Variants in NEIL3 observed in about 807,000 individuals in gnomAD.
The protein encoded by NEIL3 is endonuclease 8-like 3.
In NEIL3, 48 loss-of-function variants were observed where a neutral mutation model predicts 57.5. That is an observed-to-expected ratio of 0.83 (90% confidence interval 0.66 to 1.06). The LOEUF is 1.06. NEIL3 is among the 50% of genes least tolerant of loss of function. The pLI, the probability that NEIL3 is intolerant of heterozygous loss-of-function variation, is 0.00. For synonymous variants in NEIL3, 261 were observed against 253.2 expected (o/e 1.03, Z -0.29); for missense variants, 717 against 739.1 (o/e 0.97, Z 0.35).
chr4:177,367,216 TTC>T, downstream of NEIL3, among the ~76,000 whole-genome samples: 1 of 149,860 alleles, frequency 6.7e-6, no homozygotes, highest in South Asian at 2.2e-4. Context: ...GGTGATTTTT[TTC>T]TCATCATACC....
At chr4:177,354,761 C>T (rs1381532085) in intron 8 of NEIL3, among the ~76,000 whole-genome samples, 2 of 152,126 alleles carry the variant, frequency 1.3e-5, no homozygotes, top group Non-Finnish European at 2.9e-5. Flanking sequence ...GGATTACAGG[C>T]GTGAGCCACT....
At chr4:177,355,626 C>A (rs1438590908) in intron 8 of NEIL3, among the ~76,000 whole-genome samples, 1 of 152,126 alleles carries the variant, frequency 6.6e-6, no homozygotes, top group Non-Finnish European at 1.5e-5. Flanking sequence ...AGGTGGAATT[C>A]TGAGATTCAC....
downstream of NEIL3, among the ~76,000 whole-genome samples, chr4:177,363,425 G>A (rs868803988): frequency 9.8e-5 from 15 of 152,300 alleles, no homozygotes; most frequent in African/African-American, 3.6e-4. Context: ...ACTCTACACT[G>A]AAAAGACAGG....
At chr4:177,370,834 G>A in the NEIL3 span, among the ~76,000 whole-genome samples, 148 of 152,208 alleles carry the variant, frequency 9.7e-4, 1 homozygote, top group African/African-American at 3.2e-3. Flanking sequence ...CAGGGAGGTC[G>A]AGGCTGCAGT....
At chr4:177,363,958 C>T (rs1735657392), downstream of NEIL3, among the ~76,000 whole-genome samples, 1 of 152,156 alleles carries the variant, frequency 6.6e-6, no homozygotes, top group African/African-American at 2.4e-5. Context: ...CCATACCGCC[C>T]AGGCTGGTTT....
intron 8 of NEIL3, among the ~76,000 whole-genome samples, chr4:177,357,912 A>AT (rs1735511974): frequency 6.6e-6 from 1 of 152,232 alleles, no homozygotes; most frequent in South Asian, 2.1e-4. Flanking sequence ...ACAATTCTGT[A>AT]TGCTACATTT....
chr4:177,328,271 C>T (rs1370127789), intron 2 of NEIL3, among the ~76,000 whole-genome samples: 1 of 152,096 alleles, frequency 6.6e-6, no homozygotes, highest in African/African-American at 2.4e-5. Context: ...AACTGTCATC[C>T]TAGAAGAAAG....
At position 177,318,844 on chromosome 4, in the gene NEIL3, C is replaced by T. The variant is rs34187341; in HGVS notation, c.157-3615C>T. Among the ~76,000 whole-genome samples, 126 of 152,242 alleles carry T rather than the reference C, an allele frequency of 8.3e-4. 1 individual carries two copies. Among genetic ancestry groups the T allele is most frequent in the African/African-American group, 2.7e-3 (111 of 41,534 alleles). On this transcript the variant is annotated intron_variant, in intron 1 of 9. Coordinates refer to ENST00000264596, the MANE Select transcript of NEIL3 (RefSeq NM_018248.3). ...TTTCCTTACTAGAACATAAACTCCA[C>T]GAGGGCAGCTGGTTTTAGTTGTTTT...
chr4:177,342,802 A>G (rs928405471), intron 6 of NEIL3, among the ~76,000 whole-genome samples: 1 of 152,262 alleles, frequency 6.6e-6, no homozygotes, highest in African/African-American at 2.4e-5. Context: ...TGGAGGGATG[A>G]TGAGAATACT....
chr4:177,342,836 C>T (rs757062002), intron 6 of NEIL3, among the ~76,000 whole-genome samples: 3 of 152,168 alleles, frequency 2.0e-5, no homozygotes, highest in Non-Finnish European at 4.4e-5. Context: ...AGAGGCTCCA[C>T]GTTGTGGAAT....
Position 177,351,372 on chromosome 4 carries a change from T to C in NEIL3, c.870-8T>C. ...TAACAATGATTAATTTTAAAAATTA[T>C]CTTATAGCAAGCTACCGACTAGAAA... On this transcript the variant is annotated splice_region_variant and splice_polypyrimidine_tract_variant and intron_variant, in intron 6 of 9. Coordinates refer to ENST00000264596, the MANE Select transcript of NEIL3 (RefSeq NM_018248.3). The C allele has an allele frequency of 6.3e-7, 1 of 1,593,134 alleles. No homozygotes were observed. The highest frequency in any genetic ancestry group is 8.6e-7 in the Non-Finnish European group (1 of 1,167,562).
At chr4:177,322,395 A>G in intron 1 of NEIL3, 64 bp from the exon 2 acceptor site, 1 of 1,601,426 alleles carries the variant, frequency 6.2e-7, no homozygotes, top group African/African-American at 1.3e-5. Context: ...TAAGAATTAA[A>G]TAATGCTTTT....
intron 2 of NEIL3, among the ~76,000 whole-genome samples, chr4:177,327,660 G>C (rs7683099): frequency 0.026 from 3,994 of 152,174 alleles, 114 homozygotes; most frequent in African/African-American, 0.067. Context: ...GCATGATGTT[G>C]AGTAGTAGTG....
In NEIL3 at chr4:177,310,054, G is replaced by T; in HGVS notation, c.101G>T (p.Ser34Ile). 1 of 1,608,116 alleles carries T rather than the reference G, an allele frequency of 6.2e-7. No individual in the cohort carries two copies. The highest frequency in any genetic ancestry group is 8.5e-7 in the Non-Finnish European group (1 of 1,178,032). The change falls in exon 1 of 10, where the codon AGT becomes ATT. Residue 34 changes from serine to isoleucine, a missense_variant. Coordinates refer to ENST00000264596, the MANE Select transcript of NEIL3 (RefSeq NM_018248.3). The part of the protein sequence containing the change: ...VTGVRGSALR[S>I]LQGRALRLAA... ...GGCGTGCGGGGAAGCGCTCTGCGGA[G>T]TCTGCAGGGCCGCGCCTTGCGGCTC...
At chr4:177,347,150 A>G (rs1735239162) in intron 6 of NEIL3, among the ~76,000 whole-genome samples, 1 of 152,222 alleles carries the variant, frequency 6.6e-6, no homozygotes, top group African/African-American at 2.4e-5. Context: ...AGGGTAGCAG[A>G]TAAGTCCGTG....
At chr4:177,350,135 A>G (rs1735321282) in intron 6 of NEIL3, among the ~76,000 whole-genome samples, 1 of 152,254 alleles carries the variant, frequency 6.6e-6, no homozygotes, top group Non-Finnish European at 1.5e-5. Context: ...CCTGAATTTT[A>G]AAACTAGTGT....
chr4:177,355,419 C>T (rs1489148901), intron 8 of NEIL3, among the ~76,000 whole-genome samples: 1 of 152,168 alleles, frequency 6.6e-6, no homozygotes. Flanking sequence ...TAACTCATCT[C>T]TGCATTACTT....
At chr4:177,344,571 G>A (rs1182030307) in intron 6 of NEIL3, among the ~76,000 whole-genome samples, 1 of 151,344 alleles carries the variant, frequency 6.6e-6, no homozygotes, top group East Asian at 2.0e-4. Flanking sequence ...CTTTTTATTT[G>A]AGTTGGAGTC....
chr4:177,359,862 T>C (rs990594396), intron 8 of NEIL3, among the ~76,000 whole-genome samples: 6 of 152,248 alleles, frequency 3.9e-5, no homozygotes, highest in African/African-American at 1.4e-4. Context: ...CAAATACTCT[T>C]GATCCTAATT....
Sources: allele counts gnomAD v4.1 joint callset (sites outside exome capture counted in the v4.1 genomes callset), GRCh38; gene constraint gnomAD v4.1.1; transcripts MANE v1.5; gene names NCBI Gene and HGNC (gene_info 2026-07-23, HGNC 2026-07-21).